ARHGAP28: variants seen among roughly 807,000 people sequenced by gnomAD.
ARHGAP28 encodes the protein Rho GTPase activating protein 28.
In ARHGAP28, 56 loss-of-function variants were observed where a neutral mutation model predicts 90.7. The observed-to-expected ratio is 0.62, with a 90% CI of 0.50 to 0.77. ARHGAP28 has a LOEUF of 0.77. ARHGAP28 is among the 30% of genes least tolerant of loss of function. ARHGAP28 has a pLI of 0.00. For missense variants in ARHGAP28, 869 were observed against 900.9 expected, an observed-to-expected ratio of 0.96 and a Z score of 0.45; for synonymous variants, 308 against 323.3, an observed-to-expected ratio of 0.95 and a Z score of 0.51.
chr18:6,889,763 G>A (rs530255218), intron 12 of ARHGAP28, 125 bp from the exon 13 acceptor site: 87 of 860,902 alleles, frequency 1.0e-4, no homozygotes, highest in Middle Eastern at 6.9e-4. Context: ...AACATGGTAC[G>A]TTTAACCATT....
At chr18:6,870,861 C>A (rs150436287) in intron 7 of ARHGAP28, 129 bp downstream of exon 7, 18 of 963,460 alleles carry the variant, frequency 1.9e-5, no homozygotes, top group Non-Finnish European at 2.7e-5. Flanking sequence ...AGTGCAGTGG[C>A]GCGATCTCGG....
intron 1 of ARHGAP28, among the ~76,000 whole-genome samples, chr18:6,801,083 A>G (rs1359997500): frequency 6.6e-6 from 1 of 152,008 alleles, no homozygotes; most frequent in Non-Finnish European, 1.5e-5. Context: ...GGTCACAAAG[A>G]TTTTTATTTT....
chr18:6,873,588 CTGAT>C lies in ARHGAP28; in HGVS notation c.1120+17_1120+20del. ...TAAAAGGACGAGGTAACTAAGAAGA[CTGAT>C]TGCTTCTGGCTTTAACACTTTGACA... is the stretch of plus-strand genomic sequence containing the variant. On this transcript the variant is annotated intron_variant, in intron 8 of 17. Coordinates refer to ENST00000383472, the MANE Select transcript of ARHGAP28 (RefSeq NM_001366230.1). 6.2e-7 allele frequency: 1 copy of C among 1,611,892 alleles called. No individual in the cohort carries two copies. Among genetic ancestry groups the C allele is most frequent in the Non-Finnish European group, 8.5e-7 (1 of 1,179,260 alleles).
chr18:6,857,188 T>A (rs1356106479), intron 4 of ARHGAP28, among the ~76,000 whole-genome samples: 1 of 152,200 alleles, frequency 6.6e-6, no homozygotes, highest in Non-Finnish European at 1.5e-5. Context: ...TAGTAAGGAA[T>A]AATTTAATAG....
At position 6,886,846 on chromosome 18, in the gene ARHGAP28, T is replaced by C. The variant is rs1425483557; in HGVS notation, c.1454-311T>C. On this transcript the variant is annotated intron_variant, in intron 11 of 17. Transcript: ENST00000383472. ...TCTTGTATTGAGTGAGCTTCACTTC[T>C]ATTTATAGTATTAAAGGAAGGGAAG... Among the ~76,000 whole-genome samples, 2 of 152,210 alleles carry C rather than the reference T, an allele frequency of 1.3e-5. 1 individual carries two copies. Among genetic ancestry groups the C allele is most frequent in the South Asian group, 4.1e-4 (2 of 4,828 alleles).
chr18:6,875,965 A>G (rs2057127929), intron 9 of ARHGAP28, among the ~76,000 whole-genome samples, 166 bp from the exon 10 acceptor site: 1 of 152,228 alleles, frequency 6.6e-6, no homozygotes, highest in Admixed American at 6.5e-5. Flanking sequence ...GTCGGAGGAT[A>G]ACGTTGACGT....
chr18:6,833,299 A>G (rs1277176814), intron 2 of ARHGAP28, among the ~76,000 whole-genome samples: 1 of 152,008 alleles, frequency 6.6e-6, no homozygotes, highest in African/African-American at 2.4e-5. Context: ...AAAATTAATA[A>G]TTATTTTTAT....
At chr18:6,835,638 T>G (rs1233521724) in intron 2 of ARHGAP28, among the ~76,000 whole-genome samples, 2 of 152,214 alleles carry the variant, frequency 1.3e-5, no homozygotes, top group Non-Finnish European at 2.9e-5. Context: ...TAATGCCTCC[T>G]TAGCATAGTT....
intron 1 of ARHGAP28, among the ~76,000 whole-genome samples, chr18:6,819,000 G>A (rs2056609578): frequency 6.6e-6 from 1 of 152,188 alleles, no homozygotes. Context: ...GTACAATACT[G>A]GCTTTGGCTA....
chr18:6,870,478 T>C, intron 6 of ARHGAP28, 112 bp from the exon 7 acceptor site: 13 of 1,114,792 alleles, frequency 1.2e-5, no homozygotes, highest in Non-Finnish European at 1.6e-5. Context: ...ATATAAACAC[T>C]GTAACGTGCT....
Position 6,868,208 on chromosome 18 carries a change from G to C in ARHGAP28, c.785G>C (p.Gly262Ala). ...CATTCCAATGGATCACCGGAGCCTG[G>C]ACAGCCAGTTCAGAATGCGATAAGT... The part of the protein sequence containing the change: ...PVHSNGSPEP[G>A]QPVQNAISDD... Residue 262 changes from glycine (G) to alanine (A), a missense_variant, in exon 6 of 18, where the codon GGA becomes GCA. Coordinates refer to ENST00000383472, the MANE Select transcript of ARHGAP28 (RefSeq NM_001366230.1). The C allele has an allele frequency of 6.2e-7, 1 of 1,614,130 alleles. No homozygotes were observed. Among genetic ancestry groups the C allele is most frequent in the Non-Finnish European group, 8.5e-7 (1 of 1,180,000 alleles).
chr18:6,776,135 TATAGCCCCTGAGATGAGCTAAA>T (rs1290427486), intron 1 of ARHGAP28, among the ~76,000 whole-genome samples: 2 of 151,958 alleles, frequency 1.3e-5, no homozygotes, highest in Admixed American at 6.6e-5. Flanking sequence ...AAAATAACAA[TATAGCCCCTGAGATGAGCTAAA>T]ATAGCCCCTG....
chr18:6,865,883 C>G (rs956566780), intron 5 of ARHGAP28, among the ~76,000 whole-genome samples: 2 of 152,116 alleles, frequency 1.3e-5, no homozygotes, highest in African/African-American at 4.8e-5. Flanking sequence ...GCAGTGAAAG[C>G]CCTGGTGAGA....
chr18:6,785,140 G>A (rs753153230), intron 1 of ARHGAP28, among the ~76,000 whole-genome samples: 2 of 152,088 alleles, frequency 1.3e-5, no homozygotes, highest in African/African-American at 2.4e-5. Context: ...CAATAACTTC[G>A]TAATTAGGTT....
At chr18:6,787,360 T>A (rs1409074666) in intron 1 of ARHGAP28, among the ~76,000 whole-genome samples, 1 of 152,116 alleles carries the variant, frequency 6.6e-6, no homozygotes, top group Admixed American at 6.5e-5. Context: ...TTATTTACTT[T>A]TCCTTTATAC....
chr18:6,745,749 A>G (rs1489160809), intron 1 of ARHGAP28, among the ~76,000 whole-genome samples: 1 of 152,208 alleles, frequency 6.6e-6, no homozygotes, highest in East Asian at 1.9e-4. Context: ...CGCTCATCAT[A>G]ATGGTTTCTG....
At chr18:6,830,703 T>C (rs1240466794) in intron 2 of ARHGAP28, among the ~76,000 whole-genome samples, 1 of 152,206 alleles carries the variant, frequency 6.6e-6, no homozygotes, top group Non-Finnish European at 1.5e-5. Flanking sequence ...TACATCTTAA[T>C]TGTGTCTGCA....
At chr18:6,848,795 G>A (rs769336943) in intron 3 of ARHGAP28, among the ~76,000 whole-genome samples, 7 of 152,152 alleles carry the variant, frequency 4.6e-5, no homozygotes, top group Non-Finnish European at 1.0e-4. Flanking sequence ...CAAAGTACCA[G>A]AAGGATCTCA....
At chr18:6,872,024 AC>A (rs1415282978) in intron 7 of ARHGAP28, among the ~76,000 whole-genome samples, 1 of 152,140 alleles carries the variant, frequency 6.6e-6, no homozygotes, top group East Asian at 1.9e-4. Context: ...CAACTTCAAA[AC>A]CCTTCCTGGT....
Sources: gnomAD v4.1 joint callset for allele counts (sites outside exome capture counted in the v4.1 genomes callset) on GRCh38, gnomAD v4.1.1 for gene constraint, MANE v1.5 for transcripts, NCBI Gene and HGNC (gene_info 2026-07-23, HGNC 2026-07-21) for gene names.